TRPM2: variants seen among roughly 807,000 people sequenced by gnomAD.
The protein encoded by TRPM2 is transient receptor potential cation channel subfamily M member 2, also known as estrogen-responsive element-associated gene 1 protein.
In TRPM2, 161 loss-of-function variants were observed where a neutral mutation model predicts 174.0. That is an observed-to-expected ratio of 0.93 (90% CI 0.81 to 1.05). The LOEUF is 1.05. TRPM2 is among the 50% of genes least tolerant of loss of function. The pLI is 0.00. For synonymous variants in TRPM2, 954 were observed against 861.3 expected, an observed-to-expected ratio of 1.11 and a Z score of -1.88; for missense variants, 2,057 against 2,038.0, an observed-to-expected ratio of 1.01 and a Z score of -0.18.
upstream of TRPM2, among the ~76,000 whole-genome samples, chr21:44,350,732 C>A (rs951934092): frequency 6.6e-6 from 1 of 151,466 alleles, no homozygotes; most frequent in Admixed American, 6.6e-5. Flanking sequence ...GGGTTCGGGG[C>A]GCGGACTGGA....
At chr21:44,384,005 T>G (rs952877558) in intron 9 of TRPM2, among the ~76,000 whole-genome samples, 2 of 152,062 alleles carry the variant, frequency 1.3e-5, no homozygotes, top group Non-Finnish European at 2.9e-5. Context: ...TAGTACAGAT[T>G]AGAGCAGAGA....
chr21:44,405,920 G>T lies in TRPM2; in HGVS notation c.2673G>T (p.Thr891=). The stretch of plus-strand genomic sequence containing the variant: ...CGGCGGCCAGGCTCATCCCGGCGAC[G>T]CTGTACCCCGGGCGCGTCATCCTCT... ...AGLTCRLIPA[T]LYPGRVILSL... is the part of the protein sequence containing the mutation. Residue 891 remains threonine, a synonymous_variant, in exon 18 of 32, where the codon ACG becomes ACT. Coordinates refer to ENST00000397928, the MANE Select transcript of TRPM2 (RefSeq NM_003307.4). 4.4e-6 allele frequency: 7 copies of T among 1,604,536 alleles called. No homozygotes were observed. The highest frequency in any genetic ancestry group is 5.9e-6 in the Non-Finnish European group (7 of 1,179,626).
chr21:44,391,447 T>A lies in TRPM2; in HGVS notation c.1616T>A (p.Val539Glu). 1 of 1,613,712 alleles carries A rather than the reference T, an allele frequency of 6.2e-7. No homozygotes were observed. Among genetic ancestry groups the A allele is most frequent in the Non-Finnish European group, 8.5e-7 (1 of 1,180,004 alleles). ...SCLFHSKLQK[V>E]LVEDPERPAC... ...CTGTTCCACAGCAAGCTGCAGAAGG[T>A]GCTGGTGGAGGATCCCGAGCGCCCG... The change falls in exon 11 of 32, where the codon GTG (valine) becomes GAG (glutamate). Residue 539 changes from valine (V) to glutamate (E), a missense_variant. By Grantham distance (121) the Val-to-Glu change is moderately radical. Coordinates refer to ENST00000397928, the MANE Select transcript of TRPM2 (RefSeq NM_003307.4). The surrounding 1 kb of genome is among the most constrained non-coding windows in gnomAD (Gnocchi z 5.0).
At chr21:44,433,524 G>T (rs552614871) in intron 27 of TRPM2, among the ~76,000 whole-genome samples, 2 of 152,216 alleles carry the variant, frequency 1.3e-5, no homozygotes, top group Admixed American at 1.3e-4. Context: ...TGGCAAGGGC[G>T]GGGTGGACGG....
rs1406159573 is a variant in TRPM2 at position 44,354,764 on chromosome 21, C to T, written c.254+28C>T. On this transcript the variant is annotated intron_variant, in intron 2 of 31. Coordinates refer to ENST00000397928, the MANE Select transcript of TRPM2 (RefSeq NM_003307.4). This position sits in a 1 kb window ranked among gnomAD's most constrained non-coding sequence, Gnocchi z 4.3. ...AAGTGACGTGATTTGTGTGTAAGAC[C>T]TCTGACTTCTTCCTTCCGATCCCAC... The T allele has an allele frequency of 3.1e-6, 5 of 1,602,576 alleles. No individual in the cohort carries two copies. Among genetic ancestry groups the T allele is most frequent in the East Asian group, 2.2e-5 (1 of 44,818 alleles).
intron 17 of TRPM2, 80 bp from the exon 18 acceptor site, chr21:44,405,825 G>C: frequency 6.5e-7 from 1 of 1,543,184 alleles, no homozygotes; most frequent in South Asian, 1.2e-5. Context: ...GCTAGGACAG[G>C]TGGAGGGGCG....
chr21:44,399,884 TG>T lies in TRPM2; in HGVS notation c.2209-372del, dbSNP rs2049556575. 1.3e-5 allele frequency among the ~76,000 whole-genome samples: 2 copies of T among 152,118 alleles called. No individual in the cohort carries two copies. Among genetic ancestry groups the T allele is most frequent in the Non-Finnish European group, 2.9e-5 (2 of 67,998 alleles). On this transcript the variant is annotated intron_variant, in intron 14 of 31. Coordinates refer to ENST00000397928, the MANE Select transcript of TRPM2 (RefSeq NM_003307.4). The surrounding 1 kb of genome is among the most constrained non-coding windows in gnomAD (Gnocchi z 4.6). The stretch of plus-strand genomic sequence containing the variant: ...CTCCCAGCGAGTGCCCCTTGCACGC[TG>T]GGCTTCCTTGGAGCGCCGAGCTATT...
intron 19 of TRPM2, among the ~76,000 whole-genome samples, chr21:44,407,210 G>A (rs1031068760): frequency 3.9e-4 from 14 of 35,784 alleles, no homozygotes; most frequent in Non-Finnish European, 4.8e-4. Flanking sequence ...GCAGTGGCAC[G>A]TCCACCTCCT....
chr21:44,350,916 T>C (rs2122996418), upstream of TRPM2, among the ~76,000 whole-genome samples: 1 of 152,038 alleles, frequency 6.6e-6, no homozygotes, highest in Non-Finnish European at 1.5e-5. Flanking sequence ...GCCCCGCTTC[T>C]GGGGCGCTTA....
chr21:44,437,284 G>GCCCCCT, intron 29 of TRPM2, 117 bp downstream of exon 29: 13 of 973,086 alleles, frequency 1.3e-5, no homozygotes, highest in South Asian at 5.8e-5. Flanking sequence ...GCAGCCCCTG[G>GCCCCCT]GCAGGGAGGG....
chr21:44,429,992 A>G (rs2050967637), intron 27 of TRPM2, among the ~76,000 whole-genome samples: 5 of 152,222 alleles, frequency 3.3e-5, no homozygotes, highest in Non-Finnish European at 7.3e-5. Flanking sequence ...GCTGAATGCT[A>G]CTAAATGGTT....
chr21:44,380,018 C>T (rs1261111583), intron 8 of TRPM2, among the ~76,000 whole-genome samples: 1 of 152,160 alleles, frequency 6.6e-6, no homozygotes, highest in Non-Finnish European at 1.5e-5. Flanking sequence ...GTGGTGACCC[C>T]CAGCTGCAGG....
intron 22 of TRPM2, among the ~76,000 whole-genome samples, chr21:44,419,791 GTGA>G (rs1375076875): frequency 7.5e-5 from 1 of 13,324 alleles, no homozygotes; most frequent in African/African-American, 2.4e-4. Flanking sequence ...GGTAGTGGTG[GTGA>G]TGTTGATGGT....
At chr21:44,417,403 CTG>C (rs1175008519) in intron 20 of TRPM2, among the ~76,000 whole-genome samples, 8 of 106,734 alleles carry the variant, frequency 7.5e-5, no homozygotes, top group African/African-American at 1.9e-4. Flanking sequence ...GCTCTGCTCT[CTG>C]TGGCATCACA....
intron 9 of TRPM2, among the ~76,000 whole-genome samples, chr21:44,384,525 A>G (rs2048968431): frequency 6.6e-6 from 1 of 152,226 alleles, no homozygotes; most frequent in Admixed American, 6.5e-5. Flanking sequence ...GCTTTTTATA[A>G]CAAGCCCACT....
At chr21:44,388,135 T>TA (rs1396558469) in intron 9 of TRPM2, among the ~76,000 whole-genome samples, 1 of 152,110 alleles carries the variant, frequency 6.6e-6, no homozygotes, top group African/African-American at 2.4e-5. Flanking sequence ...CCACAATAGC[T>TA]AAAAAGTGGA....
chr21:44,392,555 C>T (rs541137272), intron 11 of TRPM2, among the ~76,000 whole-genome samples: 42 of 152,072 alleles, frequency 2.8e-4, no homozygotes, highest in South Asian at 2.3e-3. Context: ...TGTGAGCCTC[C>T]GCACCTGGCC....
chr21:44,425,249 T>C lies in TRPM2; in HGVS notation c.3637+310T>C, dbSNP rs554056993. 244 of 423,920 alleles carry C rather than the reference T, an allele frequency of 5.8e-4. 3 individuals carry two copies. Among genetic ancestry groups the C allele is most frequent in the Middle Eastern group, 5.6e-3 (9 of 1,612 alleles). 26.3% of individuals were successfully genotyped at this position (423,920 alleles called of 1,614,324 possible). A position where few individuals can be genotyped will look rare whatever the true frequency, so the allele number is the denominator to read the frequency against. ...GGGTGCGAGGCGGGCGGCTGCAGAC[T>C]GTGTCTGAACCTGGTCACGTAGGCT... On this transcript the variant is annotated intron_variant, in intron 24 of 31. Transcript: ENST00000397928.
chr21:44,433,995 G>A (rs998083022), intron 27 of TRPM2, among the ~76,000 whole-genome samples: 12 of 152,166 alleles, frequency 7.9e-5, no homozygotes, highest in African/African-American at 1.4e-4. Flanking sequence ...GGACGGTAGC[G>A]CAGGCCTGGC....
Sources: gnomAD v4.1 joint callset for allele counts (sites outside exome capture counted in the v4.1 genomes callset) on GRCh38, gnomAD v4.1.1 for gene constraint, Gnocchi (gnomAD v3.1) non-coding constraint, MANE v1.5 for transcripts, NCBI Gene and HGNC (gene_info 2026-07-23, HGNC 2026-07-21) for gene names.